Variants in SPATA22 observed in about 807,000 individuals in gnomAD.
SPATA22 encodes the protein spermatogenesis associated 22.
In SPATA22, 29 loss-of-function variants were observed where a neutral mutation model predicts 47.8. The ratio of observed to expected loss-of-function variants is 0.61; its 90% CI spans 0.45 to 0.83. The LOEUF is 0.83. Ranked by LOEUF, SPATA22 falls within the 40% of genes least tolerant of loss-of-function variation. SPATA22 has a pLI of 0.00. For missense variants in SPATA22, 410 were observed against 421.7 expected, an observed-to-expected ratio of 0.97 and a Z score of 0.24; for synonymous variants, 133 against 140.9, an observed-to-expected ratio of 0.94 and a Z score of 0.40.
intron 1 of SPATA22, among the ~76,000 whole-genome samples, chr17:3,507,487 T>C (rs897144919): frequency 1.1e-4 from 17 of 152,250 alleles, no homozygotes; most frequent in Non-Finnish European, 2.1e-4. Flanking sequence ...GTAAGTGAGA[T>C]ACATTTTTTG....
chr17:3,459,230 C>T (rs1400515626), intron 5 of SPATA22, among the ~76,000 whole-genome samples: 1 of 152,026 alleles, frequency 6.6e-6, no homozygotes, highest in Admixed American at 6.6e-5. Context: ...GTTAATAATA[C>T]TGTGTTATAC....
exon 1 of SPATA22, chr17:3,513,548 C>T (rs2074141621): frequency 1.1e-5 from 2 of 189,548 alleles, no homozygotes; most frequent in Non-Finnish European, 2.2e-5. Flanking sequence ...GGAAAGACTC[C>T]TCTCCCTGCT....
chr17:3,480,749 T>A (rs1316291807), intron 1 of SPATA22, among the ~76,000 whole-genome samples: 1 of 152,248 alleles, frequency 6.6e-6, no homozygotes, highest in Admixed American at 6.5e-5. Context: ...AGGGCTGTTA[T>A]CATCTTTGTT....
At chr17:3,458,797 C>G (rs2073052790) in intron 5 of SPATA22, among the ~76,000 whole-genome samples, 1 of 128,954 alleles carries the variant, frequency 7.8e-6, no homozygotes, top group Non-Finnish European at 1.6e-5. Context: ...GCCAAGACCA[C>G]ACCATTGCAC....
At chr17:3,440,361 C>A (rs1018797875) in intron 8 of SPATA22, 23 bp from the exon 9 acceptor site, 3 of 1,486,490 alleles carry the variant, frequency 2.0e-6, no homozygotes, top group Non-Finnish European at 1.8e-6. Context: ...AAATAAGTAT[C>A]AAAAAATAGT....
At position 3,483,536 on chromosome 17, in the gene SPATA22, T is replaced by C. The variant is rs140357187; in HGVS notation, c.-73-14138A>G. 1.7e-5 allele frequency: 27 copies of C among 1,614,210 alleles called. No homozygotes were observed. The African/African-American group carries it at 3.6e-4, about 22-fold the overall frequency. On this transcript the variant is annotated intron_variant, in intron 1 of 8. Coordinates refer to the SPATA22 transcript ENST00000541913. ...CCACTACCCTGCTACGTTTATCTGATTGAGCATCCTTCCCTCAAATATGCG... is the reference window on the plus strand; with the variant it reads ...CCACTACCCTGCTACGTTTATCTGACTGAGCATCCTTCCCTCAAATATGCG...
At chr17:3,509,793 G>C (rs889531327) in intron 1 of SPATA22, among the ~76,000 whole-genome samples, 2 of 151,988 alleles carry the variant, frequency 1.3e-5, no homozygotes, top group Admixed American at 6.6e-5. Flanking sequence ...CAGTGTAAAA[G>C]TGTTCCTATT....
Position 3,490,805 on chromosome 17 carries a change from A to G in SPATA22, c.-73-21407T>C, listed in dbSNP as rs2073811489. On this transcript the variant is annotated intron_variant, in intron 1 of 8. Coordinates refer to the SPATA22 transcript ENST00000541913. The surrounding 1 kb of genome is among the most constrained non-coding windows in gnomAD (Gnocchi z 4.6). ...AAAACGTGGTTGGTTTTCAGATCAT[A>G]GTCCATAGAATCCTATCACAACGGT... Among the ~76,000 whole-genome samples the G allele has an allele frequency of 6.6e-6, 1 of 152,212 alleles. No homozygotes were observed. Among genetic ancestry groups the G allele is most frequent in the South Asian group, 2.1e-4 (1 of 4,838 alleles).
At chr17:3,493,491 G>A (rs1296074946) in intron 1 of SPATA22, among the ~76,000 whole-genome samples, 8 of 148,812 alleles carry the variant, frequency 5.4e-5, no homozygotes, top group African/African-American at 2.0e-4. Flanking sequence ...AACCCGGGAG[G>A]TGGAGGTTGC....
At chr17:3,491,591 T>C (rs2073824859) in intron 1 of SPATA22, among the ~76,000 whole-genome samples, 1 of 151,930 alleles carries the variant, frequency 6.6e-6, no homozygotes, top group Non-Finnish European at 1.5e-5. Context: ...CTACTAAAAA[T>C]GCAAAAATTA....
At position 3,463,409 on chromosome 17, in the gene SPATA22, C is replaced by T. The variant is rs150107280; in HGVS notation, c.173-642G>A. On this transcript the variant is annotated intron_variant, in intron 3 of 8. Transcript: ENST00000572969. ...GTGCAACATGTTACTGTACTCAATA[C>T]CACAGGCAATTGTAACATAATAGTA... is the stretch of plus-strand genomic sequence containing the variant. Among the ~76,000 whole-genome samples, 185 of 152,226 alleles carry T rather than the reference C, an allele frequency of 1.2e-3. No individual in the cohort carries two copies. The Middle Eastern group carries it at 0.034, about 28-fold the overall frequency.
chr17:3,508,914 A>G (rs1242803191), intron 1 of SPATA22, among the ~76,000 whole-genome samples: 2 of 150,828 alleles, frequency 1.3e-5, no homozygotes, highest in Non-Finnish European at 3.0e-5. Flanking sequence ...AAAAAAAAAA[A>G]AAAAAAAGAC....
intron 1 of SPATA22, among the ~76,000 whole-genome samples, chr17:3,487,939 G>A (rs1597437644): frequency 6.6e-6 from 1 of 152,154 alleles, no homozygotes; most frequent in African/African-American, 2.4e-5. Context: ...ATGCACAGAT[G>A]CATACCTTAG....
intron 7 of SPATA22, among the ~76,000 whole-genome samples, chr17:3,445,066 C>A (rs1379784624): frequency 6.6e-6 from 1 of 152,018 alleles, no homozygotes; most frequent in African/African-American, 2.4e-5. Context: ...TCAGCATGTC[C>A]TTTTAATAGG....
At chr17:3,454,159 T>A (rs1339325985) in intron 5 of SPATA22, among the ~76,000 whole-genome samples, 1 of 147,732 alleles carries the variant, frequency 6.8e-6, no homozygotes, top group Non-Finnish European at 1.5e-5. Context: ...TAGGAATAAA[T>A]GACCAAGATA....
At chr17:3,443,700 T>G (rs1055916058) in intron 7 of SPATA22, among the ~76,000 whole-genome samples, 1 of 152,030 alleles carries the variant, frequency 6.6e-6, no homozygotes, top group Non-Finnish European at 1.5e-5. Flanking sequence ...TACTTCAACT[T>G]ACTAATATTT....
chr17:3,467,792 G>A (rs1395681676), intron 2 of SPATA22, among the ~76,000 whole-genome samples: 1 of 152,024 alleles, frequency 6.6e-6, no homozygotes, highest in African/African-American at 2.4e-5. Context: ...CCTCCCATAT[G>A]GAAGTAATTC....
intron 1 of SPATA22, chr17:3,510,642 G>C (rs1347829877): frequency 6.6e-6 from 1 of 152,236 alleles, no homozygotes; most frequent in African/African-American, 2.4e-5. Context: ...GTAGGTAAAT[G>C]AGAATTTACA....
At chr17:3,460,747 C>T (rs2073106141) in intron 5 of SPATA22, among the ~76,000 whole-genome samples, 1 of 132,456 alleles carries the variant, frequency 7.5e-6, no homozygotes, top group Non-Finnish European at 1.6e-5. Flanking sequence ...GAGCTATGAT[C>T]ATGCCACTGC....
Sources: allele counts gnomAD v4.1 joint callset (sites outside exome capture counted in the v4.1 genomes callset), GRCh38; gene constraint gnomAD v4.1.1; non-coding constraint Gnocchi (gnomAD v3.1); transcripts MANE v1.5; gene names NCBI Gene and HGNC (gene_info 2026-07-23, HGNC 2026-07-21).